ATP1B3: variants seen among roughly 807,000 people sequenced by gnomAD.
ATP1B3 encodes the protein ATPase Na+/K+ transporting subunit beta 3.
A neutral mutation model predicts 30.2 loss-of-function variants in ATP1B3; 10 were observed. The observed-to-expected ratio is 0.33, with a 90% CI of 0.20 to 0.56. The LOEUF is 0.56. Ranked by LOEUF, ATP1B3 falls within the 20% of genes least tolerant of loss-of-function variation. The probability of loss-of-function intolerance (pLI) is 0.90; values close to 1 mark genes in which losing one functional copy is unlikely to be tolerated. For missense variants in ATP1B3, 238 were observed against 336.7 expected, an observed-to-expected ratio of 0.71 and a Z score of 2.29; for synonymous variants, 113 against 117.0, an observed-to-expected ratio of 0.97 and a Z score of 0.22.
intron 1 of ATP1B3, 43 bp downstream of exon 1, chr3:141,876,953 C>G: frequency 6.8e-7 from 1 of 1,459,966 alleles, no homozygotes; most frequent in Non-Finnish European, 9.2e-7. Context: ...GCCTCGGTCC[C>G]GGGGGCGCCG....
At chr3:141,889,064 G>C (rs938224096) in intron 1 of ATP1B3, among the ~76,000 whole-genome samples, 9 of 143,148 alleles carry the variant, frequency 6.3e-5, no homozygotes, top group Admixed American at 2.8e-4. Context: ...TTCTTACATG[G>C]TGGCAGGAGA....
At chr3:141,908,068 C>CTTTTTTTTTTTTT (rs56374653) in intron 3 of ATP1B3, among the ~76,000 whole-genome samples, 220 of 109,154 alleles carry the variant, frequency 2.0e-3, no homozygotes, top group East Asian at 7.1e-3. Flanking sequence ...GCCAGGCATT[C>CTTTTTTTTTTTTT]TTTTTTTTTT....
intron 1 of ATP1B3, among the ~76,000 whole-genome samples, chr3:141,894,535 A>G (rs1934022940): frequency 6.6e-6 from 1 of 152,210 alleles, no homozygotes; most frequent in South Asian, 2.1e-4. Context: ...TTTTCTTTAT[A>G]TCCTTATTCT....
At chr3:141,897,355 T>TC in intron 1 of ATP1B3, among the ~76,000 whole-genome samples, 1 of 152,206 alleles carries the variant, frequency 6.6e-6, no homozygotes, top group Non-Finnish European at 1.5e-5. Flanking sequence ...TGTTTACATA[T>TC]TTGTCATTTG....
chr3:141,876,726 G>A lies in ATP1B3; in HGVS notation c.-76G>A. On this transcript the variant is annotated 5_prime_UTR_variant, in exon 1 of 7. Transcript: ENST00000286371. ...GCCGTCTCCGGGCTGCGCCGCCGGA[G>A]CCGGGACGCGCCTCCGCAGCCCTCG... The A allele has an allele frequency of 2.6e-6, 3 of 1,169,236 alleles. No individual in the cohort carries two copies. Among genetic ancestry groups the A allele is most frequent in the Non-Finnish European group, 3.7e-6 (3 of 813,808 alleles). 72.4% of individuals were successfully genotyped at this position (1,169,236 alleles called of 1,614,324 possible). A position where few individuals can be genotyped will look rare whatever the true frequency, so the allele number is the denominator to read the frequency against.
At chr3:141,904,001 C>G (rs998008238) in intron 2 of ATP1B3, among the ~76,000 whole-genome samples, 1 of 152,172 alleles carries the variant, frequency 6.6e-6, no homozygotes, top group Admixed American at 6.5e-5. Flanking sequence ...TCAGGCTGGT[C>G]TCGAACTCCC....
chr3:141,902,356 T>C (rs1934180173), intron 1 of ATP1B3: 1 of 592,702 alleles, frequency 1.7e-6, no homozygotes, highest in Admixed American at 2.6e-5. Context: ...AAAAGTTATC[T>C]AGCTTTCAGC....
rs552298121 is a variant in ATP1B3, at chr3:141,903,586, G to A, written c.110-34G>A. 1.4e-5 allele frequency: 22 copies of A among 1,610,424 alleles called. No homozygotes were observed. The East Asian group carries it at 2.5e-4, about 18-fold the overall frequency. Reference sequence around the variant, plus strand: ...AACATGCATACACACACACACGCACGTGCACATTTCATAAGTTTTATTTTC... The same window carrying A: ...AACATGCATACACACACACACGCACATGCACATTTCATAAGTTTTATTTTC... On this transcript the variant is annotated intron_variant, in intron 1 of 6. Transcript: ENST00000286371.
intron 4 of ATP1B3, among the ~76,000 whole-genome samples, chr3:141,914,215 A>G: frequency 6.6e-6 from 1 of 152,230 alleles, no homozygotes; most frequent in East Asian, 1.9e-4. Context: ...AAAATAATTT[A>G]AAATTCCACA....
At chr3:141,891,716 T>A (rs551375260) in intron 1 of ATP1B3, among the ~76,000 whole-genome samples, 1 of 152,254 alleles carries the variant, frequency 6.6e-6, no homozygotes, top group South Asian at 2.1e-4. Flanking sequence ...ATTTTAATGA[T>A]GTTTTAATGA....
intron 1 of ATP1B3, among the ~76,000 whole-genome samples, chr3:141,895,422 T>G (rs1294006956): frequency 1.3e-5 from 2 of 152,132 alleles, no homozygotes; most frequent in African/African-American, 4.8e-5. Flanking sequence ...ACTCCTGACC[T>G]CAGGTGATGC....
chr3:141,880,094 C>T (rs1302005307), intron 1 of ATP1B3, among the ~76,000 whole-genome samples: 1 of 151,944 alleles, frequency 6.6e-6, no homozygotes. Flanking sequence ...ATGTTTGTCT[C>T]ATTTTGATCT....
intron 1 of ATP1B3, among the ~76,000 whole-genome samples, chr3:141,877,178 C>T (rs1933617256): frequency 6.6e-6 from 1 of 151,234 alleles, no homozygotes; most frequent in South Asian, 2.1e-4. Context: ...GGGAGCGGGG[C>T]GCACGTGCTG....
At chr3:141,895,284 G>T (rs1000830432) in intron 1 of ATP1B3, among the ~76,000 whole-genome samples, 4 of 150,188 alleles carry the variant, frequency 2.7e-5, no homozygotes, top group Non-Finnish European at 5.9e-5. Flanking sequence ...TGCCTCCCGT[G>T]TTCAAGCAAT....
chr3:141,917,350 A>G (rs972612823), intron 5 of ATP1B3, among the ~76,000 whole-genome samples: 1 of 152,132 alleles, frequency 6.6e-6, no homozygotes, highest in East Asian at 1.9e-4. Context: ...GACCACTGGC[A>G]ATTCACTTTA....
chr3:141,924,667 A>T (rs1443698432), intron 6 of ATP1B3, among the ~76,000 whole-genome samples: 1 of 151,858 alleles, frequency 6.6e-6, no homozygotes, highest in African/African-American at 2.4e-5. Flanking sequence ...AAAAATAATG[A>T]TAAGGGTCGG....
chr3:141,904,902 G>T (rs568173372), intron 2 of ATP1B3, among the ~76,000 whole-genome samples: 1 of 151,690 alleles, frequency 6.6e-6, no homozygotes, highest in Non-Finnish European at 1.5e-5. Flanking sequence ...GTAGAGACGG[G>T]GTTTCACCAC....
rs2107772621 is a variant in ATP1B3, at chr3:141,903,755, A to G, written c.238+7A>G. 6.2e-7 allele frequency: 1 copy of G among 1,611,642 alleles called. No individual in the cohort carries two copies. Among genetic ancestry groups the G allele is most frequent in the South Asian group, 1.1e-5 (1 of 90,698 alleles). ...GACCAGATTCCTAGCCCAGGTAATT[A>G]TCTTGCAGTTATGACTTTGTTTTTT... is the stretch of plus-strand genomic sequence containing the variant. On this transcript the variant is annotated splice_region_variant and intron_variant, in intron 2 of 6. Coordinates refer to ENST00000286371, the MANE Select transcript of ATP1B3 (RefSeq NM_001679.4).
intron 1 of ATP1B3, among the ~76,000 whole-genome samples, chr3:141,895,314 G>T (rs1003818024): frequency 6.6e-6 from 1 of 150,506 alleles, no homozygotes; most frequent in African/African-American, 2.4e-5. Flanking sequence ...TCAGCCTCCC[G>T]AGTAGCTAGG....
Sources: allele counts gnomAD v4.1 joint callset (sites outside exome capture counted in the v4.1 genomes callset), GRCh38; gene constraint gnomAD v4.1.1; transcripts MANE v1.5; gene names NCBI Gene and HGNC (gene_info 2026-07-23, HGNC 2026-07-21).